MAGI2: variants seen among roughly 807,000 people sequenced by gnomAD.
MAGI2 encodes the protein membrane-associated guanylate kinase, WW and PDZ domain-containing protein 2.
A neutral mutation model predicts 133.3 loss-of-function variants in MAGI2; 35 were observed. The observed-to-expected ratio is 0.26, with a 90% CI of 0.20 to 0.35. The LOEUF (loss-of-function observed/expected upper bound fraction) is 0.35, where lower values mean the gene tolerates loss of function less well. Among genes scored for constraint, MAGI2 ranks in the 10% least tolerant of loss-of-function variants. The pLI, the probability that MAGI2 is intolerant of heterozygous loss-of-function variation, is 1.00. For synonymous variants in MAGI2, 729 were observed against 710.6 expected, an observed-to-expected ratio of 1.03 and a Z score of -0.41; for missense variants, 1,636 against 1,863.4, an observed-to-expected ratio of 0.88 and a Z score of 2.25.
At chr7:79,009,932 T>C (rs1210662461) in intron 1 of MAGI2, among the ~76,000 whole-genome samples, 7 of 152,138 alleles carry the variant, frequency 4.6e-5, no homozygotes, top group African/African-American at 2.4e-5. Context: ...TTAAGATTTC[T>C]TGTTATATGA....
chr7:78,479,248 C>T (rs9640709), intron 6 of MAGI2, among the ~76,000 whole-genome samples: 56,377 of 151,772 alleles, frequency 0.37, 10,928 homozygotes, highest in East Asian at 0.6. Context: ...GTTTGGGTTC[C>T]TTAAATAGTT....
chr7:79,312,862 A>C (rs1239977143), intron 1 of MAGI2, among the ~76,000 whole-genome samples: 1 of 152,154 alleles, frequency 6.6e-6, no homozygotes, highest in African/African-American at 2.4e-5. Flanking sequence ...AGTAACAATA[A>C]AGATGCAGTT....
chr7:78,630,616 T>A (rs1210218041), intron 2 of MAGI2, among the ~76,000 whole-genome samples: 1 of 151,632 alleles, frequency 6.6e-6, no homozygotes, highest in East Asian at 1.9e-4. Flanking sequence ...TGGGTTTCAC[T>A]GTGTTGGCCA....
intron 1 of MAGI2, among the ~76,000 whole-genome samples, chr7:79,398,166 G>T (rs1563186828): frequency 6.6e-6 from 1 of 152,118 alleles, no homozygotes; most frequent in Non-Finnish European, 1.5e-5. Flanking sequence ...CTGCTTTGTG[G>T]TAGAGACATA....
At chr7:78,320,524 C>A (rs948419072) in intron 9 of MAGI2, among the ~76,000 whole-genome samples, 2 of 152,152 alleles carry the variant, frequency 1.3e-5, no homozygotes, top group Non-Finnish European at 2.9e-5. Flanking sequence ...ACAAAAAACA[C>A]ATGATTATCT....
intron 2 of MAGI2, among the ~76,000 whole-genome samples, chr7:78,795,094 G>A (rs1787495062): frequency 6.6e-6 from 1 of 151,928 alleles, no homozygotes; most frequent in African/African-American, 2.4e-5. Flanking sequence ...AAGAAATAAA[G>A]AGCATTCAAA....
At chr7:79,117,029 T>C (rs1819469788) in intron 1 of MAGI2, among the ~76,000 whole-genome samples, 1 of 152,176 alleles carries the variant, frequency 6.6e-6, no homozygotes, top group Non-Finnish European at 1.5e-5. Flanking sequence ...GTAATGACTG[T>C]CTTGCAGTAA....
In MAGI2 at chr7:78,179,843, C is replaced by T. The variant is rs76652012; in HGVS notation, c.2312-1741G>A. On this transcript the variant is annotated intron_variant, in intron 13 of 21. Transcript: ENST00000354212. ...TGCCTTACATTCTATGAGACACAAC[C>T]GGCTTTTGAACTCAGTTTCTTCTGA... Among the ~76,000 whole-genome samples the T allele has an allele frequency of 1.5e-4, 23 of 152,162 alleles. No homozygotes were observed. The East Asian group carries it at 2.3e-3, about 15-fold the overall frequency.
At chr7:78,998,796 G>A (rs1429601272) in intron 2 of MAGI2, among the ~76,000 whole-genome samples, 3 of 152,110 alleles carry the variant, frequency 2.0e-5, no homozygotes, top group African/African-American at 7.2e-5. Context: ...CTTCAGCAAT[G>A]TAATCATCTA....
At chr7:78,894,229 G>A (rs556771509) in intron 2 of MAGI2, among the ~76,000 whole-genome samples, 3 of 152,204 alleles carry the variant, frequency 2.0e-5, no homozygotes, top group African/African-American at 2.4e-5. Flanking sequence ...GTGAAACCCT[G>A]TCTCCACTAA....
intron 1 of MAGI2, among the ~76,000 whole-genome samples, chr7:79,132,918 T>C (rs1303237464): frequency 6.6e-6 from 1 of 152,204 alleles, no homozygotes; most frequent in Non-Finnish European, 1.5e-5. Flanking sequence ...TGAGCATTTT[T>C]TCCTATGTTT....
chr7:78,390,551 T>C (rs1158744459), intron 6 of MAGI2, among the ~76,000 whole-genome samples: 1 of 136,348 alleles, frequency 7.3e-6, no homozygotes, highest in East Asian at 2.1e-4. Context: ...ATGGTAGAAG[T>C]GGGGCAGAGG....
intron 21 of MAGI2, chr7:78,078,615 A>C (rs1002314140): frequency 6.6e-6 from 3 of 454,214 alleles, no homozygotes; most frequent in Non-Finnish European, 1.2e-5. Context: ...ACAGTGGACT[A>C]TCAGTCAAAT....
chr7:79,146,178 TATG>T (rs1403097977), intron 1 of MAGI2, among the ~76,000 whole-genome samples: 1 of 152,132 alleles, frequency 6.6e-6, no homozygotes, highest in Admixed American at 6.5e-5. Context: ...TAAACCAAGG[TATG>T]CAAAATTGGA....
intron 1 of MAGI2, among the ~76,000 whole-genome samples, chr7:79,416,171 A>G (rs73147403): frequency 0.15 from 22,982 of 152,120 alleles, 1,931 homozygotes; most frequent in East Asian, 0.29. Context: ...TTACATCACC[A>G]ATATTACACG....
Position 79,171,770 on chromosome 7 carries a change from A to ATTTTTT in MAGI2, c.302-164570_302-164565dup, listed in dbSNP as rs144599296. 1.8e-3 allele frequency among the ~76,000 whole-genome samples: 55 copies of ATTTTTT among 31,200 alleles called. 2 individuals carry two copies. Among genetic ancestry groups the ATTTTTT allele is most frequent in the Non-Finnish European group, 3.4e-3 (31 of 9,000 alleles). 20.5% of individuals were successfully genotyped at this position (31,200 alleles called of 152,430 possible). A position where few individuals can be genotyped will look rare whatever the true frequency, so the allele number is the denominator to read the frequency against. ...TATATATATATATATATATATATAT[A>ATTTTTT]TTTTTTTTTTTTTTTTCTTTTAAAG... is the stretch of plus-strand genomic sequence containing the variant. On this transcript the variant is annotated intron_variant, in intron 1 of 21. Coordinates refer to ENST00000354212, the MANE Select transcript of MAGI2 (RefSeq NM_012301.4).
At chr7:79,201,868 T>C (rs978931315) in intron 1 of MAGI2, among the ~76,000 whole-genome samples, 10 of 152,030 alleles carry the variant, frequency 6.6e-5, no homozygotes, top group Non-Finnish European at 1.3e-4. Flanking sequence ...GGAATTCAAT[T>C]TTTGTCTTAG....
intron 1 of MAGI2, among the ~76,000 whole-genome samples, chr7:79,035,264 G>T (rs906445565): frequency 1.3e-5 from 2 of 151,982 alleles, no homozygotes; most frequent in African/African-American, 2.4e-5. Context: ...GGAAGTTAAG[G>T]TGATTGAAAT....
At chr7:79,147,540 G>A (rs567885747) in intron 1 of MAGI2, among the ~76,000 whole-genome samples, 14 of 152,174 alleles carry the variant, frequency 9.2e-5, no homozygotes, top group East Asian at 1.9e-4. Context: ...CAGGAGGGTC[G>A]GTGCCTCAAA....
Sources: gnomAD v4.1 joint callset for allele counts (sites outside exome capture counted in the v4.1 genomes callset) on GRCh38, gnomAD v4.1.1 for gene constraint, MANE v1.5 for transcripts, NCBI Gene and HGNC (gene_info 2026-07-23, HGNC 2026-07-21) for gene names.